Variants in MAP1LC3B observed in about 807,000 individuals in gnomAD.
MAP1LC3B encodes the protein microtubule-associated protein 1 light chain 3 beta.
A neutral mutation model predicts 16.7 loss-of-function variants in MAP1LC3B; 12 were observed. The ratio of observed to expected loss-of-function variants is 0.72; its 90% confidence interval spans 0.46 to 1.16. The LOEUF (loss-of-function observed/expected upper bound fraction) is 1.16, where lower values mean the gene tolerates loss of function less well. Among genes scored for constraint, MAP1LC3B ranks in the 50% most tolerant of loss-of-function variants. The pLI is 0.00. For synonymous variants in MAP1LC3B, 63 were observed against 56.5 expected (o/e 1.11, Z -0.51); for missense variants, 155 against 159.5 (o/e 0.97, Z 0.15).
intron 2 of MAP1LC3B, among the ~76,000 whole-genome samples, chr16:87,401,784 C>T (rs1472108663): frequency 6.6e-6 from 1 of 151,640 alleles, no homozygotes; most frequent in Non-Finnish European, 1.5e-5. Context: ...CTGGCCTCAC[C>T]CTCCCAAAGT....
chr16:87,399,657 A>G (rs1211733886), intron 2 of MAP1LC3B: 4 of 453,880 alleles, frequency 8.8e-6, no homozygotes, highest in Non-Finnish European at 1.8e-5. Context: ...CACAGACACT[A>G]ATGAGACTCA....
intron 1 of MAP1LC3B, among the ~76,000 whole-genome samples, chr16:87,394,295 T>A (rs925803992): frequency 6.6e-6 from 1 of 152,186 alleles, no homozygotes; most frequent in Non-Finnish European, 1.5e-5. Context: ...AAAAAATCTT[T>A]CTAGTTCATG....
chr16:87,402,053 T>TC, intron 2 of MAP1LC3B, 122 bp from the exon 3 acceptor site: 1 of 792,340 alleles, frequency 1.3e-6, no homozygotes, highest in Non-Finnish European at 2.0e-6. Flanking sequence ...GCCAGGGTGG[T>TC]CTCAGTCTCC....
At chr16:87,394,932 T>G (rs1907746692) in intron 1 of MAP1LC3B, among the ~76,000 whole-genome samples, 1 of 148,282 alleles carries the variant, frequency 6.7e-6, no homozygotes, top group African/African-American at 2.5e-5. Flanking sequence ...AACAGACAAA[T>G]AAGAGTTGTT....
rs2150707743 is a variant in MAP1LC3B, at chr16:87,392,355, C to T, written c.-73C>T. The stretch of plus-strand genomic sequence containing the variant: ...ATCGCCAGAGTCGGATTCGCCGCCG[C>T]AGCAGCCGCCGCCCCCGGGAGCCGC... On this transcript the variant is annotated 5_prime_UTR_variant, in exon 1 of 4. Transcript: ENST00000268607. The T allele has an allele frequency of 3.0e-6, 4 of 1,349,202 alleles. No homozygotes were observed. In the Admixed American group the frequency reaches 1.2e-4, roughly 40 times the overall value. The allele number at this position is 1,349,202 out of a possible 1,614,324, so 83.6% of individuals were successfully genotyped here.
intron 1 of MAP1LC3B, chr16:87,396,740 C>T (rs888608467): frequency 6.6e-6 from 1 of 152,176 alleles, no homozygotes; most frequent in African/African-American, 2.4e-5. Flanking sequence ...CACTGAGAAT[C>T]TCGCTGGGAA....
At chr16:87,398,747 C>A in intron 1 of MAP1LC3B, 68 bp from the exon 2 acceptor site, 2 of 1,393,530 alleles carry the variant, frequency 1.4e-6, no homozygotes, top group Non-Finnish European at 2.0e-6. Context: ...GGATGGAGAA[C>A]CAGCAGCAGT....
rs1380531156 is a variant in MAP1LC3B at position 87,403,152 on chromosome 16, A to C, written c.*55A>C. 32 of 1,559,256 alleles carry C rather than the reference A, an allele frequency of 2.1e-5. 1 individual carries two copies. The highest frequency in any genetic ancestry group is 3.5e-4 in the Middle Eastern group (2 of 5,792). ...TGTTTAAACCCTTACCAAGGAAAAAAAAGGGATGTTACCAACTGAGATCGA... is the reference window on the plus strand; with the variant it reads ...TGTTTAAACCCTTACCAAGGAAAAACAAGGGATGTTACCAACTGAGATCGA... On this transcript the variant is annotated 3_prime_UTR_variant, in exon 4 of 4. Transcript: ENST00000268607.
chr16:87,396,122 A>T (rs1408794163), intron 1 of MAP1LC3B, among the ~76,000 whole-genome samples: 1 of 151,200 alleles, frequency 6.6e-6, no homozygotes, highest in African/African-American at 2.4e-5. Flanking sequence ...TGGCCTCCCA[A>T]AGTGCTGGGT....
chr16:87,403,211 G>A lies in MAP1LC3B; in HGVS notation c.*114G>A. 1 of 1,352,158 alleles carries A rather than the reference G, an allele frequency of 7.4e-7. No homozygotes were observed. Among genetic ancestry groups the A allele is most frequent in the East Asian group, 2.3e-5 (1 of 42,912 alleles). 83.8% of individuals were successfully genotyped at this position (1,352,158 alleles called of 1,614,324 possible). On this transcript the variant is annotated 3_prime_UTR_variant, in exon 4 of 4. Coordinates refer to ENST00000268607, the MANE Select transcript of MAP1LC3B (RefSeq NM_022818.5). The stretch of plus-strand genomic sequence containing the variant: ...TCCAATCACAGATCATGAAACAGTA[G>A]TGTTCCCACCTAGGAGTGTTAGGAA...
chr16:87,398,140 A>G (rs1171597132), intron 1 of MAP1LC3B, among the ~76,000 whole-genome samples: 1 of 151,724 alleles, frequency 6.6e-6, no homozygotes, highest in Non-Finnish European at 1.5e-5. Flanking sequence ...CTCCTGCCTC[A>G]GCCTCCCGAG....
At chr16:87,397,530 A>G (rs1907848945) in intron 1 of MAP1LC3B, among the ~76,000 whole-genome samples, 1 of 152,174 alleles carries the variant, frequency 6.6e-6, no homozygotes, top group Non-Finnish European at 1.5e-5. Context: ...AGGCAGGAGA[A>G]TGGTGTGAAC....
At chr16:87,392,689 G>A in intron 1 of MAP1LC3B, 1 of 245,034 alleles carries the variant, frequency 4.1e-6, no homozygotes, top group Non-Finnish European at 6.9e-6. Flanking sequence ...GGGCCGGGGC[G>A]GCCTGCGGAC....
intron 2 of MAP1LC3B, chr16:87,399,320 A>G (rs192409384): frequency 7.8e-6 from 2 of 256,424 alleles, no homozygotes; most frequent in East Asian, 1.1e-4. Context: ...TCAGGTGCCA[A>G]GATTTCTGTA....
rs1349301760 is a variant in MAP1LC3B at position 87,404,063 on chromosome 16, A to G, written c.*966A>G. The G allele has an allele frequency of 6.6e-6, 1 of 152,190 alleles. No individual in the cohort carries two copies. Among genetic ancestry groups the G allele is most frequent in the Admixed American group, 6.5e-5 (1 of 15,278 alleles). The allele number at this position is 152,190 out of a possible 1,614,324, so 9.4% of individuals were successfully genotyped here. The stretch of plus-strand genomic sequence containing the variant: ...AATGTTAAATGTGTAACTCAGTATT[A>G]CTGAAAAGGTACCCACATTTTGAAT... On this transcript the variant is annotated 3_prime_UTR_variant, in exon 4 of 4. Transcript: ENST00000268607.
intron 1 of MAP1LC3B, among the ~76,000 whole-genome samples, chr16:87,395,499 G>A (rs891110030): frequency 3.3e-5 from 5 of 152,164 alleles, no homozygotes; most frequent in Non-Finnish European, 7.3e-5. Context: ...GCCATTGACT[G>A]TGCTGTTGAT....
rs1209905648 is a variant in MAP1LC3B, at chr16:87,404,196, C to T, written c.*1099C>T. 6.6e-6 allele frequency: 1 copy of T among 152,210 alleles called. No homozygotes were observed. Among genetic ancestry groups the T allele is most frequent in the Non-Finnish European group, 1.5e-5 (1 of 68,044 alleles). 9.4% of individuals were successfully genotyped at this position (152,210 alleles called of 1,614,324 possible). ...AAGAGCCGTACGCTCTTTACAGATA[C>T]TAATGTCAAGAGTTAAACCTCCTCA... On this transcript the variant is annotated 3_prime_UTR_variant, in exon 4 of 4. Transcript: ENST00000268607.
intron 1 of MAP1LC3B, among the ~76,000 whole-genome samples, chr16:87,394,295 T>C (rs925803992): frequency 5.8e-4 from 88 of 152,186 alleles, no homozygotes; most frequent in African/African-American, 2.0e-3. Flanking sequence ...AAAAAATCTT[T>C]CTAGTTCATG....
At chr16:87,392,565 C>G in intron 1 of MAP1LC3B, 98 bp downstream of exon 1, 1 of 1,128,494 alleles carries the variant, frequency 8.9e-7, no homozygotes, top group South Asian at 4.4e-5. Flanking sequence ...GGGGCCGAGC[C>G]GGGAGGCCGA....
Sources: allele counts gnomAD v4.1 joint callset (sites outside exome capture counted in the v4.1 genomes callset), GRCh38; gene constraint gnomAD v4.1.1; transcripts MANE v1.5; gene names NCBI Gene and HGNC (gene_info 2026-07-23, HGNC 2026-07-21).